Variants in EPHX3 observed in about 807,000 individuals in gnomAD.
EPHX3 encodes the protein epoxide hydrolase 3.
Under a neutral mutation model 40.2 loss-of-function variants are expected in EPHX3, and 39 were observed. That is an observed-to-expected ratio of 0.97 (90% CI 0.75 to 1.27). EPHX3 has a LOEUF of 1.27. EPHX3 is among the 50% of genes most tolerant of loss of function. The pLI is 0.00. For missense variants in EPHX3, 442 were observed against 474.0 expected, an observed-to-expected ratio of 0.93 and a Z score of 0.63; for synonymous variants, 213 against 209.7, an observed-to-expected ratio of 1.02 and a Z score of -0.14.
At chr19:15,229,885 CAAAAA>C (rs546876108) in intron 4 of EPHX3, among the ~76,000 whole-genome samples, 74 of 9,366 alleles carry the variant, frequency 7.9e-3, no homozygotes, top group Admixed American at 0.018. Context: ...GACTCTGTCT[CAAAAA>C]AAAAAAAAAA....
intron 4 of EPHX3, among the ~76,000 whole-genome samples, chr19:15,228,503 ATTTTTTTTTTTTTTTT>A (rs780716729): frequency 2.6e-4 from 16 of 62,704 alleles, no homozygotes; most frequent in Admixed American, 1.8e-3. Flanking sequence ...TGTATCTATA[ATTTTTTTTTTTTTTTT>A]TTTTTTTTTT....
Position 15,232,321 on chromosome 19 carries a change from G to C in EPHX3, c.-110C>G. ...ATCGCCCTTGGCCTGGGGCCCCTCC[G>C]TGCCGTCGGGATTTGTGGGACGCGC... On this transcript the variant is annotated 5_prime_UTR_variant, in exon 1 of 7. Transcript: ENST00000221730. 3 of 1,380,202 alleles carry C rather than the reference G, an allele frequency of 2.2e-6. No individual in the cohort carries two copies. The South Asian group carries it at 5.0e-5, about 23-fold the overall frequency. 85.5% of individuals were successfully genotyped at this position (1,380,202 alleles called of 1,614,324 possible). A position where few individuals can be genotyped will look rare whatever the true frequency, so the allele number is the denominator to read the frequency against.
intron 3 of EPHX3, 26 bp downstream of exon 3, chr19:15,231,213 C>A (rs764767555): frequency 1.9e-6 from 3 of 1,613,336 alleles, no homozygotes; most frequent in African/African-American, 1.3e-5. Flanking sequence ...AGGGAGGCCA[C>A]GCCTAGGATG....
intron 4 of EPHX3, among the ~76,000 whole-genome samples, chr19:15,228,419 G>A (rs991536517): frequency 2.0e-5 from 3 of 151,622 alleles, no homozygotes; most frequent in Admixed American, 1.3e-4. Context: ...TGCATGCCAG[G>A]CCTTGTTCTA....
Position 15,232,223 on chromosome 19 carries a change from C to G in EPHX3, c.-12G>C. The stretch of plus-strand genomic sequence containing the variant: ...ACCAGCTCCGGCATGTCGCCGCGCT[C>G]CGGGACCACGGCGGCGCTGCCGGCC... On this transcript the variant is annotated 5_prime_UTR_variant, in exon 1 of 7. Coordinates refer to ENST00000221730, the MANE Select transcript of EPHX3 (RefSeq NM_024794.3). The G allele has an allele frequency of 2.7e-6, 4 of 1,488,304 alleles. No homozygotes were observed. The highest frequency in any genetic ancestry group is 3.5e-6 in the Non-Finnish European group (4 of 1,129,796). The allele number at this position is 1,488,304 out of a possible 1,614,324, so 92.2% of individuals were successfully genotyped here. A position where few individuals can be genotyped will look rare whatever the true frequency, so the allele number is the denominator to read the frequency against.
chr19:15,233,674 G>A (rs531637571), upstream of EPHX3, among the ~76,000 whole-genome samples: 7 of 152,352 alleles, frequency 4.6e-5, no homozygotes, highest in South Asian at 1.4e-3. Context: ...ATGAATGACT[G>A]GAGTTCTGGG....
At position 15,231,981 on chromosome 19, in the gene EPHX3, G is replaced by A. The variant is rs1255785078; in HGVS notation, c.231C>T (p.Phe77=). Residue 77 remains phenylalanine, a synonymous_variant, in exon 1 of 7, where the codon TTC becomes TTT. Coordinates refer to ENST00000221730, the MANE Select transcript of EPHX3 (RefSeq NM_024794.3). ...CCCGTGCGATCACCTTGAGGTTCAG[G>A]AAACCGTGCTCACCCAGCGAGGGGT... The part of the protein sequence containing the change: ...LSDPSLGEHG[F]LNLKSSGLRL... 1.2e-6 allele frequency: 2 copies of A among 1,611,116 alleles called. No homozygotes were observed. Among genetic ancestry groups the A allele is most frequent in the Admixed American group, 1.7e-5 (1 of 59,972 alleles).
Position 15,231,868 on chromosome 19 carries a change from G to A in EPHX3, c.244-7C>T. The A allele has an allele frequency of 6.2e-7, 1 of 1,613,680 alleles. No individual in the cohort carries two copies. Among genetic ancestry groups the A allele is most frequent in the Non-Finnish European group, 8.5e-7 (1 of 1,179,976 alleles). ...GCAGACGCAGGCCCGAGCTCTAGGG[G>A]GAGGGCACAGCCTGAAGCCTGGGGA... On this transcript the variant is annotated splice_polypyrimidine_tract_variant and splice_region_variant and intron_variant, in intron 1 of 6. Coordinates refer to ENST00000221730, the MANE Select transcript of EPHX3 (RefSeq NM_024794.3).
upstream of EPHX3, chr19:15,236,919 G>A (rs1294572230): frequency 1.5e-5 from 3 of 205,112 alleles, no homozygotes; most frequent in African/African-American, 2.3e-5. Flanking sequence ...ACCAGTCAGT[G>A]ACTCCAGAGT....
chr19:15,228,503 A>ATTTT lies in EPHX3; in HGVS notation c.617-407_617-404dup, dbSNP rs780716729. Among the ~76,000 whole-genome samples, 64 of 62,744 alleles carry ATTTT rather than the reference A, an allele frequency of 1.0e-3. 2 individuals carry two copies. The highest frequency in any genetic ancestry group is 1.8e-3 in the Admixed American group (7 of 3,954). 41.2% of individuals were successfully genotyped at this position (62,744 alleles called of 152,430 possible). Reference sequence around the variant, plus strand: ...ACTTAAGGAAACCCCTGTATCTATAATTTTTTTTTTTTTTTTTTTTTTTTT... The same window carrying ATTTT: ...ACTTAAGGAAACCCCTGTATCTATAATTTTTTTTTTTTTTTTTTTTTTTTTTTTT... On this transcript the variant is annotated intron_variant, in intron 4 of 6. Transcript: ENST00000221730.
At chr19:15,236,867 G>A (rs181931278), upstream of EPHX3, 1 of 194,822 alleles carries the variant, frequency 5.1e-6, no homozygotes, top group South Asian at 1.9e-4. Flanking sequence ...TTTATTCCAT[G>A]ATCAGTACAG....
At chr19:15,233,235 C>A (rs562232912), upstream of EPHX3, 1 of 152,212 alleles carries the variant, frequency 6.6e-6, no homozygotes, top group Non-Finnish European at 1.5e-5. Context: ...GTCTGGAAGA[C>A]GAAGAAGAGG....
chr19:15,228,678 C>T (rs908984061), intron 4 of EPHX3, among the ~76,000 whole-genome samples: 5 of 151,556 alleles, frequency 3.3e-5, no homozygotes, highest in Admixed American at 2.0e-4. Context: ...CCACCACGTC[C>T]GGCTAATTTT....
At chr19:15,236,043 A>AGTG (rs1486425248), upstream of EPHX3, 1 of 152,284 alleles carries the variant, frequency 6.6e-6, no homozygotes, top group Non-Finnish European at 1.5e-5. Flanking sequence ...AAAGTGCCTG[A>AGTG]GTGGGCATGG....
At position 15,231,886 on chromosome 19, in the gene EPHX3, C is replaced by A. The variant is rs202208559; in HGVS notation, c.244-25G>T. On this transcript the variant is annotated intron_variant, in intron 1 of 6. Transcript: ENST00000221730. ...TCTAGGGGGAGGGCACAGCCTGAAG[C>A]CTGGGGAACCCTCTCTCCCGAGGCT... 22 of 1,613,426 alleles carry A rather than the reference C, an allele frequency of 1.4e-5. No homozygotes were observed. The East Asian group carries it at 4.2e-4, about 31-fold the overall frequency.
chr19:15,235,540 T>C (rs1259502419), upstream of EPHX3: 1 of 148,536 alleles, frequency 6.7e-6, no homozygotes, highest in Non-Finnish European at 1.5e-5. Context: ...TCAGTACAAA[T>C]GTTTATTTTT....
In EPHX3 at chr19:15,227,565, C is replaced by T. The variant is rs755427921; in HGVS notation, c.955G>A (p.Gly319Ser). Residue 319 changes from glycine (G) to serine (S), a missense_variant, in exon 7 of 7, where the codon GGC becomes AGC. Gly to Ser is a moderately conservative substitution (Grantham distance 56, BLOSUM62 0). Transcript: ENST00000221730. ...YLELGLVEAI[G>S]SRFVPGRLEA... Reference sequence around the variant, plus strand: ...AAGCGGCCCGGCACAAAGCGGCTGCCGATGGCTTCCACCAGCCCCAGCTCC... The same window carrying T: ...AAGCGGCCCGGCACAAAGCGGCTGCTGATGGCTTCCACCAGCCCCAGCTCC... 8.1e-6 allele frequency: 13 copies of T among 1,613,918 alleles called. No homozygotes were observed. The highest frequency in any genetic ancestry group is 1.6e-4 in the Middle Eastern group (1 of 6,084).
upstream of EPHX3, chr19:15,232,899 CA>C: frequency 6.7e-6 from 1 of 150,236 alleles, no homozygotes; most frequent in Admixed American, 6.6e-5. Flanking sequence ...AAAAAAAAGG[CA>C]ATTCCGAGCC....
upstream of EPHX3, among the ~76,000 whole-genome samples, chr19:15,234,074 AAGC>A (rs1176175020): frequency 4.6e-5 from 7 of 151,884 alleles, no homozygotes; most frequent in African/African-American, 1.2e-4. Flanking sequence ...AAAAAAAAAA[AAGC>A]AGCCAGCTTC....
Sources: gnomAD v4.1 joint callset for allele counts (sites outside exome capture counted in the v4.1 genomes callset) on GRCh38, gnomAD v4.1.1 for gene constraint, MANE v1.5 for transcripts, NCBI Gene and HGNC (gene_info 2026-07-23, HGNC 2026-07-21) for gene names.